Variants in RGSL1 observed in about 807,000 individuals in gnomAD.
The protein encoded by RGSL1 is regulator of G protein signaling like 1.
RGSL1 carries 97 observed loss-of-function variants against 124.7 expected under a neutral mutation model. The observed-to-expected ratio is 0.78, with a 90% CI of 0.66 to 0.92. RGSL1 has a LOEUF of 0.92. Ranked by LOEUF, RGSL1 falls within the 40% of genes least tolerant of loss-of-function variation. RGSL1 has a pLI of 0.00. For missense variants in RGSL1, 1,233 were observed against 1,288.4 expected (o/e 0.96, Z 0.66); for synonymous variants, 424 against 438.1 (o/e 0.97, Z 0.40).
At chr1:182,505,434 C>G (rs916119687) in intron 9 of RGSL1, among the ~76,000 whole-genome samples, 1 of 152,104 alleles carries the variant, frequency 6.6e-6, no homozygotes, top group Non-Finnish European at 1.5e-5. Flanking sequence ...ACAATGCATC[C>G]TCATCTTTCT....
chr1:182,450,337 C>A, intron 1 of RGSL1, 159 bp downstream of exon 1: 1 of 788,802 alleles, frequency 1.3e-6, no homozygotes, highest in South Asian at 1.5e-5. Context: ...TCCTTCTTCC[C>A]CTTCCTCCTA....
intron 21 of RGSL1, among the ~76,000 whole-genome samples, chr1:182,557,102 G>A (rs930772107): frequency 3.3e-5 from 5 of 152,202 alleles, no homozygotes; most frequent in African/African-American, 1.2e-4. Context: ...GTGATTGCAG[G>A]AGATCCAGGA....
chr1:182,476,610 G>C (rs1654308279), intron 6 of RGSL1, among the ~76,000 whole-genome samples: 1 of 152,238 alleles, frequency 6.6e-6, no homozygotes, highest in African/African-American at 2.4e-5. Context: ...CAGTGATTCT[G>C]TCAAAACATA....
rs542220774 is a variant in RGSL1 at position 182,515,340 on chromosome 1, G to A, written c.1826-6664G>A. On this transcript the variant is annotated intron_variant, in intron 9 of 21. Coordinates refer to ENST00000294854, the MANE Select transcript of RGSL1 (RefSeq NM_001137669.2). ...GCCTGGCTTTGAATCCTTCAGATCT[G>A]GTTTTCCTTTCTAGGGCTGCAGCCT... Among the ~76,000 whole-genome samples, 109 of 152,132 alleles carry A rather than the reference G, an allele frequency of 7.2e-4. 1 individual carries two copies. The highest frequency in any genetic ancestry group is 3.7e-3 in the South Asian group (18 of 4,816).
chr1:182,461,720 T>C (rs1652853460), intron 4 of RGSL1, among the ~76,000 whole-genome samples: 2 of 152,086 alleles, frequency 1.3e-5, no homozygotes, highest in African/African-American at 2.4e-5. Context: ...ATGAAAATTC[T>C]ACTAGAAAGA....
chr1:182,546,338 T>G (rs1005532850), intron 15 of RGSL1, among the ~76,000 whole-genome samples: 2 of 121,356 alleles, frequency 1.6e-5, no homozygotes, highest in African/African-American at 6.0e-5. Context: ...TCCTTCTGGC[T>G]TTGTATACCT....
At chr1:182,510,228 C>T (rs1657306374) in intron 9 of RGSL1, among the ~76,000 whole-genome samples, 1 of 34,188 alleles carries the variant, frequency 2.9e-5, no homozygotes, top group African/African-American at 1.4e-4. Flanking sequence ...CCTCACATCC[C>T]AGACGATGGG....
chr1:182,543,743 G>C (rs1345394792), intron 15 of RGSL1, among the ~76,000 whole-genome samples: 1 of 151,906 alleles, frequency 6.6e-6, no homozygotes, highest in African/African-American at 2.4e-5. Flanking sequence ...AGTTTTCTAT[G>C]TCCTCATGAT....
chr1:182,515,128 C>G (rs754970753), intron 9 of RGSL1, among the ~76,000 whole-genome samples: 1 of 152,198 alleles, frequency 6.6e-6, no homozygotes. Flanking sequence ...TCACTGCAGC[C>G]CACACCCGTG....
At chr1:182,447,915 T>C (rs963543433), upstream of RGSL1, 1 of 149,236 alleles carries the variant, frequency 6.7e-6, no homozygotes. Flanking sequence ...TGGTAGAAAA[T>C]CAGGTCCCTC....
chr1:182,548,117 G>A (rs1005574494), intron 15 of RGSL1, among the ~76,000 whole-genome samples, 200 bp from the exon 16 acceptor site: 5 of 152,092 alleles, frequency 3.3e-5, no homozygotes, highest in African/African-American at 1.2e-4. Context: ...CACTTGAAGG[G>A]GCACTTAACA....
At chr1:182,462,410 A>T (rs1652920801) in intron 4 of RGSL1, among the ~76,000 whole-genome samples, 1 of 152,204 alleles carries the variant, frequency 6.6e-6, no homozygotes, top group Non-Finnish European at 1.5e-5. Context: ...TGTAGTAAAG[A>T]TCTCAATAAA....
At chr1:182,559,674 C>T (rs1219003661) in intron 21 of RGSL1, among the ~76,000 whole-genome samples, 1 of 152,202 alleles carries the variant, frequency 6.6e-6, no homozygotes, top group African/African-American at 2.4e-5. Context: ...AAGGCCATTG[C>T]TAATATGGCC....
At chr1:182,485,882 C>A (rs893028666) in intron 6 of RGSL1, among the ~76,000 whole-genome samples, 1 of 152,176 alleles carries the variant, frequency 6.6e-6, no homozygotes, top group Admixed American at 6.5e-5. Context: ...ATTTTAGTGT[C>A]CATAAATAAA....
At chr1:182,524,891 G>A (rs978283223) in intron 10 of RGSL1, among the ~76,000 whole-genome samples, 4 of 152,178 alleles carry the variant, frequency 2.6e-5, no homozygotes, top group Non-Finnish European at 5.9e-5. Flanking sequence ...ATTCCCAAGG[G>A]ACTGTGCAAA....
At chr1:182,456,138 A>G (rs1173923662) in intron 2 of RGSL1, among the ~76,000 whole-genome samples, 2 of 152,088 alleles carry the variant, frequency 1.3e-5, no homozygotes. Flanking sequence ...GGAAGAAAGG[A>G]AGCAAGGGTA....
intron 1 of RGSL1, among the ~76,000 whole-genome samples, chr1:182,452,094 G>A (rs1016564151): frequency 1.3e-5 from 2 of 152,108 alleles, no homozygotes; most frequent in African/African-American, 4.8e-5. Flanking sequence ...TTTATTGAAT[G>A]ATAATTCCAG....
rs1654088149 is a variant in RGSL1, at chr1:182,474,156, G to T, written c.1045G>T (p.Val349Phe). 2.6e-6 allele frequency: 4 copies of T among 1,551,916 alleles called. No homozygotes were observed. Residue 349 changes from valine (V) to phenylalanine (F), a missense_variant, in exon 6 of 22, where the codon GTC (valine) becomes TTC (phenylalanine). Transcript: ENST00000294854. ...STHLRTVIPI[V>F]NHSSKMTIQK... Reference sequence around the variant, plus strand: ...CCACCTGAGGACTGTCATCCCCATTGTCAATCACTCCTCCAAGATGACAAT... The same window carrying T: ...CCACCTGAGGACTGTCATCCCCATTTTCAATCACTCCTCCAAGATGACAAT...
intron 1 of RGSL1, chr1:182,453,448 A>G (rs1306109846): frequency 6.5e-6 from 1 of 153,858 alleles, no homozygotes; most frequent in Non-Finnish European, 1.4e-5. Context: ...CATTTGAAGT[A>G]TTTCAGTTGT....
Sources: allele counts gnomAD v4.1 joint callset (sites outside exome capture counted in the v4.1 genomes callset), GRCh38; gene constraint gnomAD v4.1.1; transcripts MANE v1.5; gene names NCBI Gene and HGNC (gene_info 2026-07-23, HGNC 2026-07-21).